SMIM1: variants seen among roughly 807,000 people sequenced by gnomAD.
SMIM1 encodes small integral membrane protein 1 (Vel blood group), also known as small integral membrane protein 1.
Under a neutral mutation model 7.7 loss-of-function variants are expected in SMIM1, and 7 were observed. The observed-to-expected ratio is 0.91, with a 90% CI of 0.52 to 1.71. SMIM1 has a LOEUF of 1.71. Among genes scored for constraint, SMIM1 ranks in the 40% most tolerant of loss-of-function variants. The pLI is 0.00. For missense variants in SMIM1, 95 were observed against 102.8 expected, an observed-to-expected ratio of 0.92 and a Z score of 0.33; for synonymous variants, 41 against 42.7, an observed-to-expected ratio of 0.96 and a Z score of 0.16.
At chr1:3,774,700 A>G (rs2797432) in intron 2 of SMIM1, among the ~76,000 whole-genome samples, 100,887 of 152,044 alleles carry the variant, frequency 0.66, 35,092 homozygotes, top group African/African-American at 0.89. Context: ...TCAGTGCATC[A>G]TGCCCCCCAA....
intron 2 of SMIM1, among the ~76,000 whole-genome samples, chr1:3,773,874 C>T (rs1008511380): frequency 3.3e-5 from 5 of 152,224 alleles, no homozygotes; most frequent in Admixed American, 1.3e-4. Context: ...GGCAGCTGAC[C>T]GCTCCACATG....
In SMIM1 at chr1:3,775,543, C is replaced by T; in HGVS notation, c.110+60C>T. The T allele has an allele frequency of 7.0e-7, 1 of 1,430,980 alleles. No individual in the cohort carries two copies. The allele number at this position is 1,430,980 out of a possible 1,614,324, so 88.6% of individuals were successfully genotyped here. On this transcript the variant is annotated intron_variant, in intron 3 of 3. Transcript: ENST00000642557. The surrounding 1 kb of genome is among the most constrained non-coding windows in gnomAD (Gnocchi z 5.3). ...AGGCTGGTGTCTCCCTCCAGAGACG[C>T]CTGCCCTAACCCCTGCTACCGGCCC... is the stretch of plus-strand genomic sequence containing the variant.
chr1:3,773,813 G>A (rs1054506849), intron 2 of SMIM1, among the ~76,000 whole-genome samples: 2 of 152,144 alleles, frequency 1.3e-5, no homozygotes, highest in Non-Finnish European at 2.9e-5. Context: ...ATTGCTGCTG[G>A]GACCAGAATG....
chr1:3,774,875 C>G (rs921665190), intron 2 of SMIM1, among the ~76,000 whole-genome samples: 3 of 152,094 alleles, frequency 2.0e-5, no homozygotes, highest in Admixed American at 6.5e-5. Context: ...CCCCACCCCC[C>G]CCTCCCCTGG....
Position 3,775,521 on chromosome 1 carries a change from C to G in SMIM1, c.110+38C>G. ...AGGGCAGCCTGCCAGCCATAGCAGGCTGGTGTCTCCCTCCAGAGACGCCTG... is the reference window on the plus strand; with the variant it reads ...AGGGCAGCCTGCCAGCCATAGCAGGGTGGTGTCTCCCTCCAGAGACGCCTG... On this transcript the variant is annotated intron_variant, in intron 3 of 3. Coordinates refer to ENST00000642557, the MANE Select transcript of SMIM1 (RefSeq NM_001288583.2). The surrounding 1 kb of genome is among the most constrained non-coding windows in gnomAD (Gnocchi z 5.3). 6.6e-7 allele frequency: 1 copy of G among 1,516,504 alleles called. No homozygotes were observed. Among genetic ancestry groups the G allele is most frequent in the Non-Finnish European group, 8.9e-7 (1 of 1,120,362 alleles). 93.9% of individuals were successfully genotyped at this position (1,516,504 alleles called of 1,614,324 possible). A position where few individuals can be genotyped will look rare whatever the true frequency, so the allele number is the denominator to read the frequency against.
In SMIM1 at chr1:3,775,025, C is replaced by G. The variant is rs760007107; in HGVS notation, c.-75-274C>G. 1.1e-4 allele frequency among the ~76,000 whole-genome samples: 17 copies of G among 152,246 alleles called. No individual in the cohort carries two copies. Among genetic ancestry groups the G allele is most frequent in the Non-Finnish European group, 2.2e-4 (15 of 67,992 alleles). On this transcript the variant is annotated intron_variant, in intron 2 of 3. Transcript: ENST00000642557. The surrounding 1 kb of genome is among the most constrained non-coding windows in gnomAD (Gnocchi z 5.3). ...GGCTGTGCAGGCTCCCTGATAAAAG[C>G]ACCGGGGAAGGGAGGCTCCTGGAGT...
chr1:3,775,551 A>T lies in SMIM1; in HGVS notation c.110+68A>T. 2 of 1,406,168 alleles carry T rather than the reference A, an allele frequency of 1.4e-6. No homozygotes were observed. Among genetic ancestry groups the T allele is most frequent in the South Asian group, 2.6e-5 (2 of 78,276 alleles). 87.1% of individuals were successfully genotyped at this position (1,406,168 alleles called of 1,614,324 possible). The stretch of plus-strand genomic sequence containing the variant: ...GTCTCCCTCCAGAGACGCCTGCCCT[A>T]ACCCCTGCTACCGGCCCCATCACCC... On this transcript the variant is annotated intron_variant, in intron 3 of 3. Transcript: ENST00000642557. The surrounding 1 kb of genome is among the most constrained non-coding windows in gnomAD (Gnocchi z 5.3).
rs987293429 is a variant in SMIM1 at position 3,775,546 on chromosome 1, G to A, written c.110+63G>A. On this transcript the variant is annotated intron_variant, in intron 3 of 3. Transcript: ENST00000642557. This position sits in a 1 kb window ranked among gnomAD's most constrained non-coding sequence, Gnocchi z 5.3. ...CTGGTGTCTCCCTCCAGAGACGCCT[G>A]CCCTAACCCCTGCTACCGGCCCCAT... 68 of 1,430,124 alleles carry A rather than the reference G, an allele frequency of 4.8e-5. No individual in the cohort carries two copies. The highest frequency in any genetic ancestry group is 6.0e-5 in the Non-Finnish European group (63 of 1,052,264). The allele number at this position is 1,430,124 out of a possible 1,614,324, so 88.6% of individuals were successfully genotyped here. A position where few individuals can be genotyped will look rare whatever the true frequency, so the allele number is the denominator to read the frequency against.
In SMIM1 at chr1:3,775,764, G is replaced by A. The variant is rs1369680935; in HGVS notation, c.111-31G>A. On this transcript the variant is annotated intron_variant, in intron 3 of 3. Transcript: ENST00000642557. The surrounding 1 kb of genome is among the most constrained non-coding windows in gnomAD (Gnocchi z 5.3). ...GGGGCCCCTCATGCGGCCCTGGCCT[G>A]GGGCTCACCTCCAGTTGGTTCTCAC... The A allele has an allele frequency of 1.3e-6, 2 of 1,545,328 alleles. No homozygotes were observed. Among genetic ancestry groups the A allele is most frequent in the African/African-American group, 2.7e-5 (2 of 73,128 alleles).
At chr1:3,773,325 G>A (rs2840327) in intron 2 of SMIM1, 144 bp downstream of exon 2, 17,443 of 152,390 alleles carry the variant, frequency 0.11, 1,805 homozygotes, top group East Asian at 0.55. Flanking sequence ...GTCCCTGATG[G>A]GTTCCTGCCG....
chr1:3,774,531 C>G (rs562396414), intron 2 of SMIM1, among the ~76,000 whole-genome samples: 1 of 152,180 alleles, frequency 6.6e-6, no homozygotes, highest in Non-Finnish European at 1.5e-5. Flanking sequence ...AGCTGAGTGC[C>G]GAGATGCAAA....
chr1:3,774,175 C>T (rs1025028590), intron 2 of SMIM1, among the ~76,000 whole-genome samples: 2 of 152,140 alleles, frequency 1.3e-5, no homozygotes, highest in African/African-American at 4.8e-5. Flanking sequence ...GGAGGGGGCC[C>T]AGCAAAGCCT....
chr1:3,775,564 G>C lies in SMIM1; in HGVS notation c.110+81G>C, dbSNP rs989166688. 1 of 1,349,912 alleles carries C rather than the reference G, an allele frequency of 7.4e-7. No homozygotes were observed. Among genetic ancestry groups the C allele is most frequent in the African/African-American group, 1.5e-5 (1 of 68,574 alleles). The allele number at this position is 1,349,912 out of a possible 1,614,324, so 83.6% of individuals were successfully genotyped here. A position where few individuals can be genotyped will look rare whatever the true frequency, so the allele number is the denominator to read the frequency against. On this transcript the variant is annotated intron_variant, in intron 3 of 3. Transcript: ENST00000642557. This position sits in a 1 kb window ranked among gnomAD's most constrained non-coding sequence, Gnocchi z 5.3. The stretch of plus-strand genomic sequence containing the variant: ...GACGCCTGCCCTAACCCCTGCTACC[G>C]GCCCCATCACCCTCCACCCCATCCT...
Position 3,775,852 on chromosome 1 carries a change from C to T in SMIM1, c.168C>T (p.Gly56=), listed in dbSNP as rs1286066448. Residue 56 remains glycine, a synonymous_variant, in exon 4 of 4, where the codon GGC becomes GGT. Coordinates refer to ENST00000642557, the MANE Select transcript of SMIM1 (RefSeq NM_001288583.2). The surrounding 1 kb of genome is among the most constrained non-coding windows in gnomAD (Gnocchi z 5.3). ...KLGIAMKVLG[G]VALFWIIFIL... ...GCATCGCCATGAAGGTGCTGGGCGG[C>T]GTGGCCCTCTTCTGGATCATCTTCA... 1.1e-5 allele frequency: 17 copies of T among 1,550,956 alleles called. No homozygotes were observed. Among genetic ancestry groups the T allele is most frequent in the Middle Eastern group, 1.7e-4 (1 of 5,990 alleles).
Position 3,775,351 on chromosome 1 carries a change from C to A in SMIM1, c.-23C>A. 6.5e-7 allele frequency: 1 copy of A among 1,538,992 alleles called. No homozygotes were observed. The highest frequency in any genetic ancestry group is 8.8e-7 in the Non-Finnish European group (1 of 1,139,012). On this transcript the variant is annotated 5_prime_UTR_variant, in exon 3 of 4. Transcript: ENST00000642557. This position sits in a 1 kb window ranked among gnomAD's most constrained non-coding sequence, Gnocchi z 5.3. ...GATCTCCCCACCGAGAAGGCCCCGC[C>A]CCTCCCGCTGCAGCCCCACAGCATG...
chr1:3,773,335 G>A (rs1353560796), intron 2 of SMIM1, among the ~76,000 whole-genome samples, 154 bp downstream of exon 2: 1 of 152,210 alleles, frequency 6.6e-6, no homozygotes, highest in African/African-American at 2.4e-5. Flanking sequence ...GGTTCCTGCC[G>A]CCACACCTGT....
Position 3,775,305 on chromosome 1 carries a change from C to A in SMIM1, c.-69C>A. The stretch of plus-strand genomic sequence containing the variant: ...CCATCCGCTTGTTTTACAGTGAAGC[C>A]ACAGCCTGGCCACCTGTCTTGATCT... On this transcript the variant is annotated 5_prime_UTR_variant, in exon 3 of 4. Coordinates refer to ENST00000642557, the MANE Select transcript of SMIM1 (RefSeq NM_001288583.2). This position sits in a 1 kb window ranked among gnomAD's most constrained non-coding sequence, Gnocchi z 5.3. 1 of 1,255,766 alleles carries A rather than the reference C, an allele frequency of 8.0e-7. No individual in the cohort carries two copies. Among genetic ancestry groups the A allele is most frequent in the Non-Finnish European group, 1.1e-6 (1 of 907,278 alleles). 77.8% of individuals were successfully genotyped at this position (1,255,766 alleles called of 1,614,324 possible). A position where few individuals can be genotyped will look rare whatever the true frequency, so the allele number is the denominator to read the frequency against.
At position 3,775,385 on chromosome 1, in the gene SMIM1, G is replaced by T. The variant is rs751556960; in HGVS notation, c.12G>T (p.Gln4His). Residue 4 changes from glutamine (Q) to histidine (H), a missense_variant, in exon 3 of 4, where the codon CAG (glutamine) becomes CAT (histidine). Gln to His is a conservative substitution (Grantham distance 24). Transcript: ENST00000642557. The surrounding 1 kb of genome is among the most constrained non-coding windows in gnomAD (Gnocchi z 5.3). ...TGCAGCCCCACAGCATGCAGCCCCA[G>T]GAGAGCCACGTCCACTATAGTAGGT... is the stretch of plus-strand genomic sequence containing the variant. MQP[Q>H]ESHVHYSRWE... is the part of the protein sequence containing the mutation. The T allele has an allele frequency of 1.9e-6, 3 of 1,550,048 alleles. 1 individual carries two copies. The South Asian group carries it at 3.6e-5, about 18-fold the overall frequency.
In SMIM1 at chr1:3,775,760, G is replaced by C; in HGVS notation, c.111-35G>C. ...TTAGGGGGCCCCTCATGCGGCCCTG[G>C]CCTGGGGCTCACCTCCAGTTGGTTC... On this transcript the variant is annotated intron_variant, in intron 3 of 3. Transcript: ENST00000642557. This position sits in a 1 kb window ranked among gnomAD's most constrained non-coding sequence, Gnocchi z 5.3. 6.5e-7 allele frequency: 1 copy of C among 1,544,096 alleles called. No homozygotes were observed. The highest frequency in any genetic ancestry group is 1.4e-5 in the African/African-American group (1 of 73,132).
Sources: allele counts gnomAD v4.1 joint callset (sites outside exome capture counted in the v4.1 genomes callset), GRCh38; gene constraint gnomAD v4.1.1; non-coding constraint Gnocchi (gnomAD v3.1); transcripts MANE v1.5; gene names NCBI Gene and HGNC (gene_info 2026-07-23, HGNC 2026-07-21).